SHISAL1: variants seen among roughly 807,000 people sequenced by gnomAD.
SHISAL1 encodes protein shisa-like-1.
Under a neutral mutation model 22.6 loss-of-function variants are expected in SHISAL1, and 9 were observed. That is an observed-to-expected ratio of 0.40 (90% CI 0.24 to 0.70). The LOEUF (loss-of-function observed/expected upper bound fraction) is 0.70. Ranked by LOEUF, SHISAL1 falls within the 30% of genes least tolerant of loss-of-function variation. SHISAL1 has a pLI of 0.39. For missense variants in SHISAL1, 246 were observed against 270.6 expected (o/e 0.91, Z 0.64); for synonymous variants, 119 against 115.4 (o/e 1.03, Z -0.20).
rs535829103 is a variant in SHISAL1 at position 44,259,571 on chromosome 22, C to T, written c.*-9886G>A. ...GAGCCCTCGGTTGCACAAATGGGTT[C>T]CGAGAAGCACTTCCTGCCCCTGGGC... On this transcript the variant is annotated intron_variant, in intron 4 of 4. Coordinates refer to ENST00000381176, the MANE Select transcript of SHISAL1 (RefSeq NM_001099294.2). 6.6e-5 allele frequency among the ~76,000 whole-genome samples: 10 copies of T among 151,650 alleles called. No homozygotes were observed. In the East Asian group the frequency reaches 1.7e-3, roughly 27 times the overall value.
At chr22:44,264,769 C>T (rs2055150018) in intron 4 of SHISAL1, among the ~76,000 whole-genome samples, 1 of 151,744 alleles carries the variant, frequency 6.6e-6, no homozygotes, top group Non-Finnish European at 1.5e-5. Flanking sequence ...TGGACGAGGT[C>T]CCCAACACAC....
chr22:44,328,966 C>T, the SHISAL1 span, among the ~76,000 whole-genome samples: 1 of 152,194 alleles, frequency 6.6e-6, no homozygotes, highest in Non-Finnish European at 1.5e-5. Context: ...CAGAACATCT[C>T]CCCCTTCCTC....
rs2055018299 is a variant in SHISAL1, at chr22:44,248,092, C to T, written c.*1593G>A. On this transcript the variant is annotated 3_prime_UTR_variant, in exon 5 of 5. Coordinates refer to ENST00000381176, the MANE Select transcript of SHISAL1 (RefSeq NM_001099294.2). ...ACCCCAGGTCCACAAGGGTCTCACTCACGTGTCCCTCGAACTGAGTTCCTG... is the reference window on the plus strand; with the variant it reads ...ACCCCAGGTCCACAAGGGTCTCACTTACGTGTCCCTCGAACTGAGTTCCTG... The T allele has an allele frequency of 6.6e-6, 1 of 152,268 alleles. No homozygotes were observed. Among genetic ancestry groups the T allele is most frequent in the South Asian group, 2.1e-4 (1 of 4,826 alleles). The allele number at this position is 152,268 out of a possible 1,614,324, so 9.4% of individuals were successfully genotyped here.
chr22:44,262,689 C>A (rs1271970891), intron 4 of SHISAL1, among the ~76,000 whole-genome samples: 5 of 152,186 alleles, frequency 3.3e-5, no homozygotes, highest in African/African-American at 1.2e-4. Flanking sequence ...GTGGCCTGGG[C>A]AGGCTGGGGA....
intron 2 of SHISAL1, among the ~76,000 whole-genome samples, chr22:44,297,562 G>C (rs892106151): frequency 5.3e-5 from 8 of 152,234 alleles, no homozygotes; most frequent in African/African-American, 1.9e-4. Context: ...GCCTGCCTCA[G>C]TCACCCCCAC....
At chr22:44,301,369 G>A (rs572014570) in intron 1 of SHISAL1, among the ~76,000 whole-genome samples, 42 of 152,240 alleles carry the variant, frequency 2.8e-4, no homozygotes, top group Admixed American at 1.0e-3. Flanking sequence ...CTAAGGTGGA[G>A]GGTTTCATGG....
Position 44,285,757 on chromosome 22 carries a change from CAGAG to C in SHISAL1, c.282-16_282-13del, listed in dbSNP as rs2055310655. 9 of 1,602,898 alleles carry C rather than the reference CAGAG, an allele frequency of 5.6e-6. No individual in the cohort carries two copies. Among genetic ancestry groups the C allele is most frequent in the African/African-American group, 1.3e-5 (1 of 74,894 alleles). On this transcript the variant is annotated splice_polypyrimidine_tract_variant and intron_variant, in intron 3 of 4. Coordinates refer to ENST00000381176, the MANE Select transcript of SHISAL1 (RefSeq NM_001099294.2). The stretch of plus-strand genomic sequence containing the variant: ...AGGCGGTGTAATTGCTGCGAACAAA[CAGAG>C]AGGGAGTGAGCAAGCAGAGGGGAGC...
chr22:44,305,939 G>A (rs1569226229), intron 1 of SHISAL1, among the ~76,000 whole-genome samples: 3 of 152,234 alleles, frequency 2.0e-5, no homozygotes, highest in Non-Finnish European at 2.9e-5. Context: ...GCAGCTCAGG[G>A]CCAGAGCTGA....
intron 2 of SHISAL1, among the ~76,000 whole-genome samples, chr22:44,297,686 G>A (rs756402313): frequency 2.6e-5 from 4 of 152,354 alleles, no homozygotes; most frequent in South Asian, 2.1e-4. Flanking sequence ...TTTACGAGTC[G>A]TGCCGATGGT....
chr22:44,285,888 CG>C, intron 3 of SHISAL1, 143 bp from the exon 4 acceptor site: 1 of 699,730 alleles, frequency 1.4e-6, no homozygotes, highest in Non-Finnish European at 2.4e-6. Context: ...CTCTGGAGGG[CG>C]GGGCCTTGGC....
In SHISAL1 at chr22:44,302,994, G is replaced by A. The variant is rs1472557543; in HGVS notation, c.-32-2017C>T. On this transcript the variant is annotated intron_variant, in intron 1 of 4. Transcript: ENST00000381176. ...AGGGCCACTAGAGACAGGGCTTTGG[G>A]CCCTGAGGGGACTAGATTACTTAGA... Among the ~76,000 whole-genome samples, 3 of 152,046 alleles carry A rather than the reference G, an allele frequency of 2.0e-5. No individual in the cohort carries two copies. The South Asian group carries it at 6.2e-4, about 31-fold the overall frequency.
At chr22:44,296,959 C>G in intron 2 of SHISAL1, 74 bp from the exon 3 acceptor site, 1 of 1,199,928 alleles carries the variant, frequency 8.3e-7, no homozygotes, top group Non-Finnish European at 1.2e-6. Flanking sequence ...GGGGACTGGC[C>G]GGCCTCTTCT....
At chr22:44,324,472 C>G in the SHISAL1 span, among the ~76,000 whole-genome samples, 1 of 152,188 alleles carries the variant, frequency 6.6e-6, no homozygotes, top group East Asian at 1.9e-4. Context: ...CATGGAAGGG[C>G]TGCAACAATG....
chr22:44,330,049 G>T, the SHISAL1 span, among the ~76,000 whole-genome samples: 40 of 152,348 alleles, frequency 2.6e-4, no homozygotes, highest in African/African-American at 9.4e-4. Flanking sequence ...AGCCAGCAGC[G>T]AGATTCACAG....
rs367935644 is a variant in SHISAL1 at position 44,269,471 on chromosome 22, C to T, written c.599+15957G>A. Among the ~76,000 whole-genome samples, 70 of 72,678 alleles carry T rather than the reference C, an allele frequency of 9.6e-4. 1 individual carries two copies. Among genetic ancestry groups the T allele is most frequent in the African/African-American group, 3.9e-3 (64 of 16,276 alleles). The allele number at this position is 72,678 out of a possible 152,430, so 47.7% of individuals were successfully genotyped here. ...CCATGCCACACAGACGCCCACAACA[C>T]GCGCACACACACACACACACACTCC... On this transcript the variant is annotated intron_variant, in intron 4 of 4. Transcript: ENST00000381176.
chr22:44,300,847 GC>G (rs757214711), intron 2 of SHISAL1, 31 bp downstream of exon 2: 2 of 1,586,858 alleles, frequency 1.3e-6, no homozygotes, highest in East Asian at 2.2e-5. Flanking sequence ...CCCACGTGCC[GC>G]CCCCGCCCCC....
rs2294541 is a variant in SHISAL1 at position 44,244,592 on chromosome 22, A to G, written c.*5093T>C. 9,300 of 152,306 alleles carry G rather than the reference A, an allele frequency of 0.061. 351 individuals are homozygous for G. Among genetic ancestry groups the G allele is most frequent in the East Asian group, 0.093 (481 of 5,176 alleles). The allele number at this position is 152,306 out of a possible 1,614,324, so 9.4% of individuals were successfully genotyped here. On this transcript the variant is annotated 3_prime_UTR_variant, in exon 5 of 5. Coordinates refer to ENST00000381176, the MANE Select transcript of SHISAL1 (RefSeq NM_001099294.2). ...CTAGAAACTGGGGTGGTGGGGGGCA[A>G]TGACACCTCCAAGGTCACTTTCACG...
chr22:44,297,977 AGCTGG>A (rs575963152), intron 2 of SHISAL1, among the ~76,000 whole-genome samples: 11 of 152,144 alleles, frequency 7.2e-5, no homozygotes, highest in Non-Finnish European at 1.3e-4. Flanking sequence ...GGGGAGTCCC[AGCTGG>A]GCTGGGCTGG....
At chr22:44,260,892 G>T (rs1486997198) in intron 4 of SHISAL1, among the ~76,000 whole-genome samples, 4 of 151,992 alleles carry the variant, frequency 2.6e-5, no homozygotes. Flanking sequence ...GGTTTCCCTG[G>T]AGGGCAATGT....
Sources: gnomAD v4.1 joint callset for allele counts (sites outside exome capture counted in the v4.1 genomes callset) on GRCh38, gnomAD v4.1.1 for gene constraint, MANE v1.5 for transcripts, NCBI Gene and HGNC (gene_info 2026-07-23, HGNC 2026-07-21) for gene names.